The following GAB2 variants were observed in gnomAD, a reference collection of about 807,000 sequenced individuals.
GAB2 encodes GRB2 associated binding protein 2.
In GAB2, 26 loss-of-function variants were observed where a neutral mutation model predicts 65.5. The observed-to-expected ratio is 0.40, with a 90% CI of 0.29 to 0.55. GAB2 has a LOEUF of 0.55. Ranked by LOEUF, GAB2 falls within the 20% of genes least tolerant of loss-of-function variation. GAB2 has a pLI of 0.53. For missense variants in GAB2, 884 were observed against 875.8 expected, an observed-to-expected ratio of 1.01 and a Z score of -0.12; for synonymous variants, 321 against 329.6, an observed-to-expected ratio of 0.97 and a Z score of 0.28.
At chr11:78,335,669 A>G (rs1855984832) in intron 1 of GAB2, among the ~76,000 whole-genome samples, 1 of 152,114 alleles carries the variant, frequency 6.6e-6, no homozygotes, top group South Asian at 2.1e-4. Context: ...TGAAGTGGGT[A>G]ATGTGATTCC....
Position 78,283,597 on chromosome 11 carries a change from C to T in GAB2, c.76-2696G>A, listed in dbSNP as rs185800564. On this transcript the variant is annotated intron_variant, in intron 1 of 9. Coordinates refer to ENST00000361507, the MANE Select transcript of GAB2 (RefSeq NM_080491.3). Reference sequence around the variant, plus strand: ...ATAATCAGGCTATCCCCCATCCCCCCACCACCCCAACTGCACCACTGAAAT... The same window carrying T: ...ATAATCAGGCTATCCCCCATCCCCCTACCACCCCAACTGCACCACTGAAAT... 4.5e-3 allele frequency among the ~76,000 whole-genome samples: 686 copies of T among 152,292 alleles called. 8 individuals are homozygous for T. Among genetic ancestry groups the T allele is most frequent in the African/African-American group, 0.013 (552 of 41,556 alleles).
chr11:78,270,333 TA>T (rs11358173), intron 2 of GAB2, among the ~76,000 whole-genome samples: 36,691 of 139,988 alleles, frequency 0.26, 5,132 homozygotes, highest in East Asian at 0.41. Flanking sequence ...GACTCCGTCT[TA>T]AAAAAAAAAA....
Position 78,226,611 on chromosome 11 carries a change from CGGGGTGGG to C in GAB2, c.1053_1060del (p.Arg354GlnfsTer21). ...TTCTGCCTGACTTGGCTTGGGGGGG[CGGGGTGGG>C]GGAGCTATGGCTGAGTCCCCAGGAG... On this transcript the variant is annotated frameshift_variant, in exon 4 of 10. Transcript: ENST00000361507. LOFTEE classifies it high-confidence loss of function. 83 of 282,532 alleles carry C rather than the reference CGGGGTGGG, an allele frequency of 2.9e-4. No individual in the cohort carries two copies. The highest frequency in any genetic ancestry group is 5.0e-4 in the Non-Finnish European group (78 of 157,542). The allele number at this position is 282,532 out of a possible 1,614,324, so 17.5% of individuals were successfully genotyped here. A position where few individuals can be genotyped will look rare whatever the true frequency, so the allele number is the denominator to read the frequency against.
At chr11:78,395,825 T>C (rs1213927439) in intron 1 of GAB2, among the ~76,000 whole-genome samples, 1 of 152,210 alleles carries the variant, frequency 6.6e-6, no homozygotes, top group Non-Finnish European at 1.5e-5. Flanking sequence ...ACAAAGCATA[T>C]GGGAGGTTTA....
intron 1 of GAB2, among the ~76,000 whole-genome samples, chr11:78,354,733 C>A (rs188716255): frequency 6.6e-6 from 1 of 152,208 alleles, no homozygotes; most frequent in African/African-American, 2.4e-5. Flanking sequence ...TTAAATCTGA[C>A]CTTTTCCTGT....
chr11:78,287,223 TCTTCAACTTGAAAAAGAGCAGCAA>T (rs1866507796), intron 1 of GAB2, among the ~76,000 whole-genome samples: 1 of 152,240 alleles, frequency 6.6e-6, no homozygotes, highest in African/African-American at 2.4e-5. Flanking sequence ...GAGGGGAGCT[TCTTCAACTTGAAAAAGAGCAGCAA>T]CAAAAGACCA....
chr11:78,221,962 G>C, intron 7 of GAB2, 143 bp downstream of exon 7: 1 of 704,314 alleles, frequency 1.4e-6, no homozygotes, highest in Non-Finnish European at 2.6e-6. Context: ...AGGAAACCAA[G>C]CCACAAGACA....
chr11:78,350,911 G>A (rs930747509), intron 1 of GAB2, among the ~76,000 whole-genome samples: 1 of 152,210 alleles, frequency 6.6e-6, no homozygotes, highest in Non-Finnish European at 1.5e-5. Context: ...TTTGAACAGT[G>A]GTTTGAGAGG....
Position 78,341,807 on chromosome 11 carries a change from T to C in GAB2, c.76-60906A>G, listed in dbSNP as rs541962302. ...TCTAATTCCCTCACTTGTCTCTCTATTGCTAGCCTCGCCTTTGTCTCAGTT... is the reference window on the plus strand; with the variant it reads ...TCTAATTCCCTCACTTGTCTCTCTACTGCTAGCCTCGCCTTTGTCTCAGTT... On this transcript the variant is annotated intron_variant, in intron 1 of 9. Coordinates refer to ENST00000361507, the MANE Select transcript of GAB2 (RefSeq NM_080491.3). The C allele has an allele frequency of 1.5e-4, 144 of 985,998 alleles. 1 individual carries two copies. The Admixed American group carries it at 8.7e-3, about 59-fold the overall frequency. The allele number at this position is 985,998 out of a possible 1,614,324, so 61.1% of individuals were successfully genotyped here. A position where few individuals can be genotyped will look rare whatever the true frequency, so the allele number is the denominator to read the frequency against.
At chr11:78,267,684 C>G (rs1238984669) in intron 2 of GAB2, among the ~76,000 whole-genome samples, 1 of 151,486 alleles carries the variant, frequency 6.6e-6, no homozygotes, top group Non-Finnish European at 1.5e-5. Flanking sequence ...TGGTGAAACC[C>G]CGTCGCTACT....
chr11:78,220,412 A>G lies in GAB2; in HGVS notation c.1794T>C (p.Ser598=). 6.3e-7 allele frequency: 1 copy of G among 1,594,128 alleles called. No homozygotes were observed. Among genetic ancestry groups the G allele is most frequent in the South Asian group, 1.1e-5 (1 of 89,978 alleles). The stretch of plus-strand genomic sequence containing the variant: ...TCTTAGGGGCAGGACTGTTCGTGCC[A>G]CTGGGAACGGGAGATGCAGACACTG... ...QNPVSASPVP[S]GTNSPAPKKS... Residue 598 remains serine (S), a synonymous_variant, in exon 9 of 10, where the codon AGT becomes AGC. Coordinates refer to ENST00000361507, the MANE Select transcript of GAB2 (RefSeq NM_080491.3).
chr11:78,369,864 A>G (rs1032905425), intron 1 of GAB2, among the ~76,000 whole-genome samples: 13 of 152,210 alleles, frequency 8.5e-5, no homozygotes, highest in Admixed American at 3.3e-4. Context: ...TCACCAGATG[A>G]TGGCATCTGG....
chr11:78,313,647 T>C (rs946755635), intron 1 of GAB2, among the ~76,000 whole-genome samples: 3 of 152,220 alleles, frequency 2.0e-5, no homozygotes, highest in Non-Finnish European at 4.4e-5. Context: ...AAACTGTCTA[T>C]GGGGCATGTG....
intron 3 of GAB2, among the ~76,000 whole-genome samples, chr11:78,246,486 G>T (rs1418260396): frequency 1.3e-5 from 2 of 150,010 alleles, no homozygotes; most frequent in Admixed American, 1.3e-4. Context: ...TAATCCCATG[G>T]AGAAGTGCTA....
At chr11:78,290,792 G>A (rs150328276) in intron 1 of GAB2, among the ~76,000 whole-genome samples, 104 of 152,168 alleles carry the variant, frequency 6.8e-4, no homozygotes, top group African/African-American at 2.1e-3. Flanking sequence ...AGCAGTCTAC[G>A]GAAAACCAAA....
At chr11:78,367,949 T>C (rs1318418537) in intron 1 of GAB2, among the ~76,000 whole-genome samples, 1 of 151,198 alleles carries the variant, frequency 6.6e-6, no homozygotes, top group Non-Finnish European at 1.5e-5. Context: ...CCCGAGTAGC[T>C]GGGACTACCG....
chr11:78,261,680 AT>A (rs1285577041), intron 2 of GAB2, among the ~76,000 whole-genome samples: 1 of 152,056 alleles, frequency 6.6e-6, no homozygotes, highest in Non-Finnish European at 1.5e-5. Context: ...CACTCTTGTG[AT>A]TTACTTAGGG....
At chr11:78,363,744 C>A (rs1339654864) in intron 1 of GAB2, among the ~76,000 whole-genome samples, 1 of 151,946 alleles carries the variant, frequency 6.6e-6, no homozygotes, top group Admixed American at 6.6e-5. Context: ...ACTACTATGA[C>A]CCTGCTAATT....
chr11:78,262,815 C>T (rs1865769711), intron 2 of GAB2, among the ~76,000 whole-genome samples: 1 of 152,224 alleles, frequency 6.6e-6, no homozygotes, highest in Non-Finnish European at 1.5e-5. Flanking sequence ...ATACTGAGTA[C>T]ATTATTTGAG....
Sources: gnomAD v4.1 joint callset for allele counts (sites outside exome capture counted in the v4.1 genomes callset) on GRCh38, gnomAD v4.1.1 for gene constraint, MANE v1.5 for transcripts, NCBI Gene and HGNC (gene_info 2026-07-23, HGNC 2026-07-21) for gene names.